ABCC8: variants seen among roughly 807,000 people sequenced by gnomAD.
ABCC8 encodes ATP-binding cassette sub-family C member 8.
Under a neutral mutation model 188.0 loss-of-function variants are expected in ABCC8, and 137 were observed. The ratio of observed to expected loss-of-function variants is 0.73; its 90% CI spans 0.63 to 0.84. ABCC8 has a LOEUF of 0.84. Ranked by LOEUF, ABCC8 falls within the 40% of genes least tolerant of loss-of-function variation. ABCC8 has a pLI of 0.00. For synonymous variants in ABCC8, 797 were observed against 846.5 expected (o/e 0.94, Z 1.01); for missense variants, 1,750 against 2,072.7 (o/e 0.84, Z 3.02).
chr11:17,400,454 C>T (rs1175191717), intron 29 of ABCC8, among the ~76,000 whole-genome samples: 3 of 152,150 alleles, frequency 2.0e-5, no homozygotes, highest in Non-Finnish European at 4.4e-5. Flanking sequence ...TGTCTGAGGA[C>T]TAGAAAAGAG....
Position 17,476,485 on chromosome 11 carries a change from C to T in ABCC8, c.148+144G>A, listed in dbSNP as rs1403079397. The T allele has an allele frequency of 1.1e-5, 10 of 937,150 alleles. No individual in the cohort carries two copies. In the Admixed American group the frequency reaches 2.9e-4, roughly 27 times the overall value. The allele number at this position is 937,150 out of a possible 1,614,324, so 58.1% of individuals were successfully genotyped here. ...GTGTGCGAGTGCGGGGACCGGCGGGCAGGACACAGGGCAGGGGACCCCGGG... is the reference window on the plus strand; with the variant it reads ...GTGTGCGAGTGCGGGGACCGGCGGGTAGGACACAGGGCAGGGGACCCCGGG... On this transcript the variant is annotated intron_variant, in intron 1 of 38. Transcript: ENST00000389817.
chr11:17,430,898 G>T lies in ABCC8; in HGVS notation c.1733C>A (p.Ala578Asp). Residue 578 changes from alanine to aspartate, a missense_variant, in exon 12 of 39, where the codon GCC becomes GAC. Transcript: ENST00000389817. ...CAAGATATGGAAGAGGGAGAGGGAG[G>T]CAAAGGCCACGGAGGGCGAGAAGTC... The part of the protein sequence containing the change: ...EADFSPSVAF[A>D]SLSLFHILVT... 2 of 1,614,236 alleles carry T rather than the reference G, an allele frequency of 1.2e-6. No individual in the cohort carries two copies. The highest frequency in any genetic ancestry group is 1.7e-6 in the Non-Finnish European group (2 of 1,180,042).
intron 16 of ABCC8, among the ~76,000 whole-genome samples, chr11:17,417,927 T>C (rs567334378): frequency 6.6e-6 from 1 of 152,052 alleles, no homozygotes; most frequent in Admixed American, 6.6e-5. Flanking sequence ...TTTTTGTATA[T>C]TTTTTGTAGA....
intron 29 of ABCC8, among the ~76,000 whole-genome samples, chr11:17,399,612 CT>C (rs1954132408): frequency 1.3e-5 from 2 of 152,208 alleles, no homozygotes. Flanking sequence ...TAGGTTTCCC[CT>C]ATTATTGTCT....
At chr11:17,421,836 A>T (rs924294070) in intron 16 of ABCC8, among the ~76,000 whole-genome samples, 1 of 152,200 alleles carries the variant, frequency 6.6e-6, no homozygotes, top group African/African-American at 2.4e-5. Flanking sequence ...AGTTGCACCA[A>T]CAAAGCACCC....
Position 17,470,120 on chromosome 11 carries a change from G to T in ABCC8, c.393C>A (p.Asn131Lys), listed in dbSNP as rs372524091. The T allele has an allele frequency of 6.2e-7, 1 of 1,614,052 alleles. No homozygotes were observed. Among genetic ancestry groups the T allele is most frequent in the African/African-American group, 1.3e-5 (1 of 74,926 alleles). ...ACCTACCAATTAGCAGCTTGGGGAA[G>T]TTGGAAGTCTCGATGTTGTGATAGT... ...VVYYHNIETSNFPKLLIALLV... is the reference protein window; with the variant it reads ...VVYYHNIETSKFPKLLIALLV... The change falls in exon 3 of 39, where the codon AAC becomes AAA. Residue 131 changes from asparagine to lysine, a missense_variant. Asn to Lys is a moderately conservative substitution (Grantham distance 94). Transcript: ENST00000389817.
At chr11:17,450,132 G>A (rs1289508176) in intron 7 of ABCC8, among the ~76,000 whole-genome samples, 1 of 152,146 alleles carries the variant, frequency 6.6e-6, no homozygotes, top group African/African-American at 2.4e-5. Flanking sequence ...ACAAAGCGTG[G>A]TTATTCTCTA....
At chr11:17,441,352 C>T (rs1170474292) in intron 10 of ABCC8, among the ~76,000 whole-genome samples, 1 of 152,194 alleles carries the variant, frequency 6.6e-6, no homozygotes, top group Admixed American at 6.5e-5. Flanking sequence ...ACACTCCCCT[C>T]TGGCCTTAAT....
At chr11:17,392,814 C>T, downstream of ABCC8, 1 of 728,186 alleles carries the variant, frequency 1.4e-6, no homozygotes, top group Admixed American at 2.1e-5. Context: ...TGCCTGATGT[C>T]AGAGCCAGGC....
intron 11 of ABCC8, among the ~76,000 whole-genome samples, chr11:17,431,504 C>T (rs745322000): frequency 2.6e-5 from 4 of 152,196 alleles, no homozygotes; most frequent in Non-Finnish European, 5.9e-5. Context: ...ACACTGGCCC[C>T]GGGGGAAATA....
chr11:17,435,818 A>G (rs921976834), intron 10 of ABCC8: 3 of 1,264,052 alleles, frequency 2.4e-6, no homozygotes, highest in Non-Finnish European at 3.5e-6. Context: ...ATGAGAGGGA[A>G]GATGAGTGCA....
At chr11:17,450,248 CTTTCTTTCTT>C (rs1166580925) in intron 7 of ABCC8, among the ~76,000 whole-genome samples, 3 of 52,136 alleles carry the variant, frequency 5.8e-5, no homozygotes, top group African/African-American at 2.0e-4. Context: ...TTTTCTTTTT[CTTTCTTTCTT>C]TCTCTTTCTT....
chr11:17,412,677 C>T lies in ABCC8; in HGVS notation c.2545G>A (p.Val849Ile), dbSNP rs770722134. ...VARALYQHAN[V>I]VFLDDPFSAL... ...GAACTTGCACTCACCAAGAAGACAA[C>T]GTTGGCGTGCTGGTAGAGGGCTCGG... Residue 849 changes from valine (V) to isoleucine (I), a missense_variant, in exon 21 of 39, where the codon GTT becomes ATT. By Grantham distance (29) the Val-to-Ile change is conservative. Transcript: ENST00000389817. The T allele has an allele frequency of 6.3e-5, 102 of 1,611,552 alleles. No homozygotes were observed. Among genetic ancestry groups the T allele is most frequent in the Non-Finnish European group, 8.0e-5 (94 of 1,178,816 alleles).
intron 5 of ABCC8, 133 bp downstream of exon 5, chr11:17,461,449 AG>A: frequency 3.4e-6 from 4 of 1,191,352 alleles, no homozygotes; most frequent in Non-Finnish European, 4.9e-6. Context: ...ACTTAAGGCA[AG>A]CTTCTTCCCC....
At chr11:17,421,606 C>T (rs959892455) in intron 16 of ABCC8, among the ~76,000 whole-genome samples, 39 of 152,146 alleles carry the variant, frequency 2.6e-4, no homozygotes, top group Admixed American at 2.6e-3. Context: ...AATTTTGTTC[C>T]TGGCAAAGAA....
At chr11:17,466,105 T>C (rs553269290) in intron 3 of ABCC8, among the ~76,000 whole-genome samples, 1 of 152,104 alleles carries the variant, frequency 6.6e-6, no homozygotes, top group East Asian at 1.9e-4. Context: ...AAGCAAGTCA[T>C]AAAAAGACAA....
chr11:17,473,163 G>C (rs1308148940), intron 2 of ABCC8, among the ~76,000 whole-genome samples: 1 of 152,120 alleles, frequency 6.6e-6, no homozygotes, highest in Admixed American at 6.5e-5. Flanking sequence ...TGAAGACCCA[G>C]GTCTTCCTTC....
rs1361885543 is a variant in ABCC8, at chr11:17,397,800, G to A, written c.3754-3C>T. On this transcript the variant is annotated splice_polypyrimidine_tract_variant and splice_region_variant and intron_variant, in intron 30 of 38. Transcript: ENST00000389817. ...ACCACACATGCACCGATGTACTCCT[G>A]GGGAGGGAGAGGAGCTGACCTGGGC... 2.5e-6 allele frequency: 4 copies of A among 1,613,458 alleles called. No individual in the cohort carries two copies. The highest frequency in any genetic ancestry group is 2.7e-5 in the African/African-American group (2 of 74,916).
rs764717081 is a variant in ABCC8, at chr11:17,415,322, G to C, written c.2273C>G (p.Ala758Gly). Residue 758 changes from alanine (A) to glycine (G), a missense_variant, in exon 18 of 39, where the codon GCG becomes GGG. Physicochemically the swap from Ala to Gly is moderately conservative, Grantham distance 60. Transcript: ENST00000389817. ...GEDPSPERETATDLDIRKRGP... is the reference protein window; with the variant it reads ...GEDPSPERETGTDLDIRKRGP... ...GCAGTACCTGATATCCAAGTCGGTCGCTGTCTCCCGCTCTGGGCTGCAGCA... is the reference window on the plus strand; with the variant it reads ...GCAGTACCTGATATCCAAGTCGGTCCCTGTCTCCCGCTCTGGGCTGCAGCA... 2 of 1,610,376 alleles carry C rather than the reference G, an allele frequency of 1.2e-6. No homozygotes were observed. Among genetic ancestry groups the C allele is most frequent in the Non-Finnish European group, 1.7e-6 (2 of 1,178,936 alleles).
Sources: allele counts gnomAD v4.1 joint callset (sites outside exome capture counted in the v4.1 genomes callset), GRCh38; gene constraint gnomAD v4.1.1; transcripts MANE v1.5; gene names NCBI Gene and HGNC (gene_info 2026-07-23, HGNC 2026-07-21).